Variants in PTGES2 observed in about 807,000 individuals in gnomAD.
The protein encoded by PTGES2 is prostaglandin E synthase 2.
Under a neutral mutation model 44.5 loss-of-function variants are expected in PTGES2, and 35 were observed. The ratio of observed to expected loss-of-function variants is 0.79; its 90% CI spans 0.60 to 1.04. The LOEUF is 1.04. Among genes scored for constraint, PTGES2 ranks in the 50% least tolerant of loss-of-function variants. The pLI is 0.00. For synonymous variants in PTGES2, 221 were observed against 227.5 expected (o/e 0.97, Z 0.26); for missense variants, 517 against 521.4 (o/e 0.99, Z 0.08).
upstream of PTGES2, chr9:128,128,172 G>GTGCGCGGCGGTGTTGCGGTTCTCTC (rs1249973520): frequency 1.3e-5 from 5 of 377,058 alleles, no homozygotes; most frequent in Non-Finnish European, 2.6e-5. Context: ...CCGGCACCAG[G>GTGCGCGGCGGTGTTGCGGTTCTCTC]TGTTGCGGTT....
intron 3 of PTGES2, 119 bp downstream of exon 3, chr9:128,124,373 T>C: frequency 2.3e-6 from 2 of 877,100 alleles, no homozygotes; most frequent in East Asian, 2.7e-5. Flanking sequence ...TGCGAGCCAC[T>C]CTGTACTCTG....
intron 1 of PTGES2, 32 bp downstream of exon 1, chr9:128,127,407 G>C (rs745372912): frequency 1.5e-6 from 2 of 1,334,466 alleles, no homozygotes; most frequent in East Asian, 2.8e-5. Flanking sequence ...GCGCTGATCA[G>C]CATCCCCATC....
At chr9:128,121,360 C>G in intron 6 of PTGES2, 87 bp from the exon 7 acceptor site, 2 of 1,486,702 alleles carry the variant, frequency 1.3e-6, no homozygotes, top group South Asian at 2.6e-5. Flanking sequence ...GTGGCCAGGT[C>G]CCGTCCCCTC....
chr9:128,121,113 C>T lies in PTGES2; in HGVS notation c.*32G>A, dbSNP rs751279204. On this transcript the variant is annotated 3_prime_UTR_variant, in exon 7 of 7. Transcript: ENST00000338961. ...CCAGGCCCTGGCAGCTGGCGTCTTC[C>T]GCTGCCTTCCCTCTGCTCTGCGCGG... The T allele has an allele frequency of 4.6e-5, 72 of 1,562,240 alleles. No homozygotes were observed. Among genetic ancestry groups the T allele is most frequent in the Middle Eastern group, 4.0e-4 (2 of 4,994 alleles).
rs1261482316 is a variant in PTGES2 at position 128,127,421 on chromosome 9, G to A, written c.279+18C>T. On this transcript the variant is annotated intron_variant, in intron 1 of 6. Coordinates refer to ENST00000338961, the MANE Select transcript of PTGES2 (RefSeq NM_025072.7). ...GGCGCTGATCAGCATCCCCATCCCC[G>A]GCCGGGCCAGGCCTTACCTGCGCGG... The A allele has an allele frequency of 7.5e-7, 1 of 1,341,406 alleles. No individual in the cohort carries two copies. The highest frequency in any genetic ancestry group is 9.6e-7 in the Non-Finnish European group (1 of 1,044,336). The allele number at this position is 1,341,406 out of a possible 1,614,324, so 83.1% of individuals were successfully genotyped here. A position where few individuals can be genotyped will look rare whatever the true frequency, so the allele number is the denominator to read the frequency against.
chr9:128,127,970 TGA>T, upstream of PTGES2: 1 of 446,704 alleles, frequency 2.2e-6, no homozygotes, highest in Non-Finnish European at 4.0e-6. Context: ...TCTTGGGTAG[TGA>T]CCCGGCCGAC....
chr9:128,126,129 G>A (rs1386821195), intron 1 of PTGES2, among the ~76,000 whole-genome samples: 2 of 152,228 alleles, frequency 1.3e-5, no homozygotes, highest in Admixed American at 6.5e-5. Flanking sequence ...CGTTCATGCC[G>A]GGAAGCCACA....
rs199931371 is a variant in PTGES2 at position 128,123,056 on chromosome 9, G to C, written c.765C>G (p.Thr255=). ...LISPNVYRTP[T]EALASFDYIV... ...TGTAGTCAAAGGACGCCAGAGCCTCGGTGGGCGTGCGGTACACATTGGGGG... is the reference window on the plus strand; with the variant it reads ...TGTAGTCAAAGGACGCCAGAGCCTCCGTGGGCGTGCGGTACACATTGGGGG... Residue 255 remains threonine (T), a synonymous_variant, in exon 5 of 7, where the codon ACC becomes ACG. Transcript: ENST00000338961. This position sits in a 1 kb window ranked among gnomAD's most constrained non-coding sequence, Gnocchi z 4.4. 2 of 1,613,422 alleles carry C rather than the reference G, an allele frequency of 1.2e-6. No homozygotes were observed. Among genetic ancestry groups the C allele is most frequent in the Admixed American group, 3.3e-5 (2 of 60,026 alleles).
intron 5 of PTGES2, 183 bp from the exon 6 acceptor site, chr9:128,122,662 G>A (rs1325736634): frequency 1.6e-6 from 1 of 638,544 alleles, no homozygotes; most frequent in East Asian, 2.7e-5. Context: ...GTAAAGGCAA[G>A]AGACCAGGCC....
chr9:128,124,905 T>C, intron 2 of PTGES2: 1 of 1,250,542 alleles, frequency 8.0e-7, no homozygotes, highest in Non-Finnish European at 1.0e-6. Flanking sequence ...TGTTGACTCA[T>C]GAAGCAAGCA....
At chr9:128,128,247 C>G, upstream of PTGES2, 2 of 451,580 alleles carry the variant, frequency 4.4e-6, no homozygotes, top group South Asian at 1.6e-5. Context: ...TTTTCCCGAA[C>G]CCGAAGGGGC....
At position 128,127,475 on chromosome 9, in the gene PTGES2, G is replaced by A. The variant is rs1047173297; in HGVS notation, c.243C>T (p.Arg81=). Residue 81 remains arginine (R), a synonymous_variant, in exon 1 of 7, where the codon CGC becomes CGT. Coordinates refer to ENST00000338961, the MANE Select transcript of PTGES2 (RefSeq NM_025072.7). ...AGCGCTCTGCGTGGAGGTCCTGGGC[G>A]CGCAGGTGCCACCGCGCCGTGTGGT... is the stretch of plus-strand genomic sequence containing the variant. ...GLYHTARWHL[R]AQDLHAERSA... The A allele has an allele frequency of 2.1e-5, 29 of 1,402,312 alleles. No homozygotes were observed. Among genetic ancestry groups the A allele is most frequent in the Non-Finnish European group, 2.6e-5 (28 of 1,073,762 alleles). The allele number at this position is 1,402,312 out of a possible 1,614,324, so 86.9% of individuals were successfully genotyped here. A position where few individuals can be genotyped will look rare whatever the true frequency, so the allele number is the denominator to read the frequency against.
chr9:128,121,095 C>T lies in PTGES2; in HGVS notation c.*50G>A. On this transcript the variant is annotated 3_prime_UTR_variant, in exon 7 of 7. Transcript: ENST00000338961. The stretch of plus-strand genomic sequence containing the variant: ...GGCGCTGGCCCAGTGGCCCCAGGCC[C>T]TGGCAGCTGGCGTCTTCCGCTGCCT... 6.4e-7 allele frequency: 1 copy of T among 1,552,790 alleles called. No individual in the cohort carries two copies. Among genetic ancestry groups the T allele is most frequent in the Non-Finnish European group, 8.7e-7 (1 of 1,149,362 alleles).
Position 128,121,181 on chromosome 9 carries a change from C to T in PTGES2, c.1098G>A (p.Val366=). ...HTHIQPWYLR[V]ERAITEASPA... is the part of the protein sequence containing the mutation. ...GGGAGGCCTCGGTGATGGCCCTCTC[C>T]ACCCGCAGGTACCAGGGCTGGATGT... is the stretch of plus-strand genomic sequence containing the variant. The change falls in exon 7 of 7, where the codon GTG becomes GTA. Residue 366 remains valine, a synonymous_variant. Transcript: ENST00000338961. 1 of 1,592,504 alleles carries T rather than the reference C, an allele frequency of 6.3e-7. No homozygotes were observed. Among genetic ancestry groups the T allele is most frequent in the Non-Finnish European group, 8.5e-7 (1 of 1,169,754 alleles).
chr9:128,123,940 G>A lies in PTGES2; in HGVS notation c.537-89C>T, dbSNP rs1588071020. ...CCCGCTGCCCCAGCCTCAGAGTGGA[G>A]CCAGGACCAACAAAGGCTCTCCGGA... On this transcript the variant is annotated intron_variant, in intron 3 of 6. Transcript: ENST00000338961. This position sits in a 1 kb window ranked among gnomAD's most constrained non-coding sequence, Gnocchi z 4.4. 4.1e-6 allele frequency: 6 copies of A among 1,478,148 alleles called. No homozygotes were observed. The East Asian group carries it at 1.4e-4, about 34-fold the overall frequency. The allele number at this position is 1,478,148 out of a possible 1,614,324, so 91.6% of individuals were successfully genotyped here.
chr9:128,121,181 C>A lies in PTGES2; in HGVS notation c.1098G>T (p.Val366=). The A allele has an allele frequency of 6.3e-7, 1 of 1,592,504 alleles. No individual in the cohort carries two copies. The highest frequency in any genetic ancestry group is 2.3e-5 in the East Asian group (1 of 43,608). Residue 366 remains valine, a synonymous_variant, in exon 7 of 7, where the codon GTG becomes GTT. Transcript: ENST00000338961. ...GGGAGGCCTCGGTGATGGCCCTCTC[C>A]ACCCGCAGGTACCAGGGCTGGATGT... ...HTHIQPWYLR[V]ERAITEASPA... is the part of the protein sequence containing the mutation.
chr9:128,128,308 C>T (rs1318665166), upstream of PTGES2: 2 of 455,886 alleles, frequency 4.4e-6, no homozygotes, highest in African/African-American at 4.0e-5. Flanking sequence ...GCCGGCCCGC[C>T]GACCCCGAGA....
intron 6 of PTGES2, 51 bp downstream of exon 6, chr9:128,122,309 ACT>A: frequency 7.0e-7 from 1 of 1,433,234 alleles, no homozygotes; most frequent in South Asian, 1.2e-5. Flanking sequence ...AACCTCCCCC[ACT>A]CTGAGGACAG....
At position 128,124,483 on chromosome 9, in the gene PTGES2, G is replaced by C. The variant is rs1834542939; in HGVS notation, c.536+9C>G. ...GCAATGGCCACCTGGTCTCCGAGGGGCTCCTTACCCCGACACCAGGTAGGT... is the reference window on the plus strand; with the variant it reads ...GCAATGGCCACCTGGTCTCCGAGGGCCTCCTTACCCCGACACCAGGTAGGT... On this transcript the variant is annotated intron_variant, in intron 3 of 6. Coordinates refer to ENST00000338961, the MANE Select transcript of PTGES2 (RefSeq NM_025072.7). The C allele has an allele frequency of 6.2e-7, 1 of 1,612,928 alleles. No homozygotes were observed. Among genetic ancestry groups the C allele is most frequent in the Admixed American group, 1.7e-5 (1 of 59,968 alleles).
Sources: allele counts gnomAD v4.1 joint callset (sites outside exome capture counted in the v4.1 genomes callset), GRCh38; gene constraint gnomAD v4.1.1; non-coding constraint Gnocchi (gnomAD v3.1); transcripts MANE v1.5; gene names NCBI Gene and HGNC (gene_info 2026-07-23, HGNC 2026-07-21).